Variants in ZNF616 observed in about 807,000 individuals in gnomAD.
ZNF616 encodes the protein zinc finger protein 616.
In ZNF616, 5 loss-of-function variants were observed where a neutral mutation model predicts 7.6. That is an observed-to-expected ratio of 0.66 (90% CI 0.34 to 1.38). The LOEUF (loss-of-function observed/expected upper bound fraction) is 1.38. Among genes scored for constraint, ZNF616 ranks in the 40% most tolerant of loss-of-function variants. ZNF616 has a pLI of 0.04. For missense variants in ZNF616, 913 were observed against 948.3 expected, an observed-to-expected ratio of 0.96 and a Z score of 0.49; for synonymous variants, 319 against 317.2, an observed-to-expected ratio of 1.01 and a Z score of -0.06.
intron 1 of ZNF616, among the ~76,000 whole-genome samples, chr19:52,135,395 C>G (rs2088998763): frequency 6.6e-6 from 1 of 152,108 alleles, no homozygotes; most frequent in Non-Finnish European, 1.5e-5. Flanking sequence ...ATGCACATAC[C>G]CCAGTGAGAC....
intron 2 of ZNF616, among the ~76,000 whole-genome samples, chr19:52,129,629 A>G (rs1400234281): frequency 1.3e-5 from 2 of 152,166 alleles, no homozygotes; most frequent in Non-Finnish European, 2.9e-5. Context: ...ATATTTTTAA[A>G]TCAATGATGG....
intron 1 of ZNF616, among the ~76,000 whole-genome samples, chr19:52,136,439 G>A (rs1441921234): frequency 6.6e-6 from 1 of 151,204 alleles, no homozygotes; most frequent in East Asian, 1.9e-4. Context: ...ACAAGAGTGA[G>A]ACTCTGTCTC....
At chr19:52,117,154 A>C in intron 3 of ZNF616, 130 bp from the exon 4 acceptor site, 3 of 707,338 alleles carry the variant, frequency 4.2e-6, no homozygotes, top group Non-Finnish European at 6.4e-6. Context: ...CTCCACCATG[A>C]TCTTTTATTT....
rs377452495 is a variant in ZNF616, at chr19:52,116,288, G to A, written c.876C>T (p.Thr292=). The A allele has an allele frequency of 8.2e-5, 132 of 1,613,288 alleles. No individual in the cohort carries two copies. The highest frequency in any genetic ancestry group is 2.7e-4 in the South Asian group (25 of 91,042). Residue 292 remains threonine (T), a synonymous_variant, in exon 4 of 4, where the codon ACC becomes ACT. Transcript: ENST00000600228. ...SHLAVHQRIH[T]GEKPYKCNLC... ...GATTACATTTGTAAGGTTTTTCACC[G>A]GTATGAATTCTCTGATGAACTGCAA...
chr19:52,117,711 A>C (rs1470197652), intron 3 of ZNF616, among the ~76,000 whole-genome samples: 1 of 152,190 alleles, frequency 6.6e-6, no homozygotes, highest in Non-Finnish European at 1.5e-5. Flanking sequence ...ATAACTAGAA[A>C]ATATGTTGAG....
intron 2 of ZNF616, among the ~76,000 whole-genome samples, chr19:52,128,976 T>C (rs2088934033): frequency 6.6e-6 from 1 of 151,020 alleles, no homozygotes; most frequent in Non-Finnish European, 1.5e-5. Context: ...TCATATATAA[T>C]AAAACATTAT....
chr19:52,117,664 T>C (rs192582269), intron 3 of ZNF616, among the ~76,000 whole-genome samples: 24 of 152,256 alleles, frequency 1.6e-4, no homozygotes, highest in African/African-American at 5.3e-4. Flanking sequence ...TCTCCCTTTA[T>C]AATAAGCAAG....
chr19:52,132,469 CCACCGT>C (rs1468182735), intron 1 of ZNF616, among the ~76,000 whole-genome samples: 5 of 152,070 alleles, frequency 3.3e-5, no homozygotes, highest in Non-Finnish European at 4.4e-5. Context: ...ATTGTAATCC[CCACCGT>C]TACTGGTGGG....
intron 2 of ZNF616, 56 bp from the exon 3 acceptor site, chr19:52,124,105 C>A (rs567036629): frequency 1.3e-6 from 2 of 1,548,110 alleles, no homozygotes; most frequent in Admixed American, 4.2e-5. Flanking sequence ...TCTGTTTACA[C>A]AAAATGAGGA....
chr19:52,122,434 G>A (rs2088871391), intron 3 of ZNF616: 2 of 152,048 alleles, frequency 1.3e-5, no homozygotes, highest in South Asian at 4.2e-4. Context: ...GCAGTGAGGT[G>A]AGATCGCGCC....
chr19:52,120,469 T>G (rs911152959), intron 3 of ZNF616, among the ~76,000 whole-genome samples: 1 of 152,202 alleles, frequency 6.6e-6, no homozygotes, highest in Non-Finnish European at 1.5e-5. Context: ...TCTCTATCAG[T>G]AATTACATTA....
chr19:52,120,715 CAAAG>C (rs1239241498), intron 3 of ZNF616, among the ~76,000 whole-genome samples: 2 of 151,970 alleles, frequency 1.3e-5, no homozygotes, highest in Non-Finnish European at 2.9e-5. Flanking sequence ...GTACAAGAGA[CAAAG>C]AAGAGCATTA....
At chr19:52,133,463 G>C (rs974366413) in intron 1 of ZNF616, among the ~76,000 whole-genome samples, 1 of 152,118 alleles carries the variant, frequency 6.6e-6, no homozygotes, top group Non-Finnish European at 1.5e-5. Flanking sequence ...GGTGCAGCCT[G>C]GTTCACAGGT....
At chr19:52,137,726 G>A (rs368669828) in intron 1 of ZNF616, among the ~76,000 whole-genome samples, 14 of 152,086 alleles carry the variant, frequency 9.2e-5, no homozygotes, top group Non-Finnish European at 1.8e-4. Flanking sequence ...CGCACTGGAC[G>A]CTTTAACAGT....
chr19:52,118,060 AG>A (rs540518199), intron 3 of ZNF616, among the ~76,000 whole-genome samples: 139 of 152,256 alleles, frequency 9.1e-4, no homozygotes, highest in Non-Finnish European at 1.8e-3. Context: ...CTCCCACCTC[AG>A]CCTCTCAAAT....
At chr19:52,130,015 C>T (rs143425156) in intron 2 of ZNF616, among the ~76,000 whole-genome samples, 6 of 152,238 alleles carry the variant, frequency 3.9e-5, no homozygotes, top group East Asian at 1.9e-4. Flanking sequence ...TCAAGTGATC[C>T]GCCCACCTCA....
At position 52,116,937 on chromosome 19, in the gene ZNF616, C is replaced by A. The variant is rs760683674; in HGVS notation, c.227G>T (p.Arg76Ile). ...GERFQTVALERHQSYDIENLY... is the reference protein window; with the variant it reads ...GERFQTVALEIHQSYDIENLY... ...ATTTTCAATATCATAGCTTTGATGT[C>A]TTTCCAGTGCCACTGTTTGGAACCT... The change falls in exon 4 of 4, where the codon AGA (arginine) becomes ATA (isoleucine). Residue 76 changes from arginine to isoleucine, a missense_variant. Coordinates refer to ENST00000600228, the MANE Select transcript of ZNF616 (RefSeq NM_178523.5). 3.7e-6 allele frequency: 6 copies of A among 1,613,812 alleles called. No homozygotes were observed. Among genetic ancestry groups the A allele is most frequent in the Non-Finnish European group, 5.1e-6 (6 of 1,179,952 alleles).
At chr19:52,128,838 T>C (rs1408634920) in intron 2 of ZNF616, among the ~76,000 whole-genome samples, 4 of 150,940 alleles carry the variant, frequency 2.7e-5, no homozygotes, top group Non-Finnish European at 5.9e-5. Flanking sequence ...CATGGTATTA[T>C]GGTATGGATA....
At chr19:52,123,265 A>G (rs1263031090) in intron 3 of ZNF616, among the ~76,000 whole-genome samples, 1 of 152,192 alleles carries the variant, frequency 6.6e-6, no homozygotes, top group East Asian at 1.9e-4. Context: ...AAAACAAATT[A>G]TGTGGACTTA....
Sources: allele counts gnomAD v4.1 joint callset (sites outside exome capture counted in the v4.1 genomes callset), GRCh38; gene constraint gnomAD v4.1.1; transcripts MANE v1.5; gene names NCBI Gene and HGNC (gene_info 2026-07-23, HGNC 2026-07-21).